SLC13A2: variants seen among roughly 807,000 people sequenced by gnomAD.
SLC13A2 encodes solute carrier family 13 member 2, also known as Na(+)-coupled citrate transporter.
SLC13A2 carries 40 observed loss-of-function variants against 58.5 expected under a neutral mutation model. The observed-to-expected ratio is 0.68, with a 90% CI of 0.53 to 0.89. The LOEUF (loss-of-function observed/expected upper bound fraction) is 0.89, where lower values mean the gene tolerates loss of function less well. SLC13A2 is among the 40% of genes least tolerant of loss of function. SLC13A2 has a pLI of 0.00. For missense variants in SLC13A2, 694 were observed against 772.6 expected, an observed-to-expected ratio of 0.90 and a Z score of 1.21; for synonymous variants, 341 against 331.6, an observed-to-expected ratio of 1.03 and a Z score of -0.31.
At chr17:28,491,134 G>A (rs879960744) in intron 4 of SLC13A2, among the ~76,000 whole-genome samples, 1 of 152,234 alleles carries the variant, frequency 6.6e-6, no homozygotes, top group Non-Finnish European at 1.5e-5. Flanking sequence ...ACCATAGCAA[G>A]AAGAGAGCTG....
intron 10 of SLC13A2, 91 bp downstream of exon 10, chr17:28,495,907 G>A: frequency 7.0e-7 from 1 of 1,430,860 alleles, no homozygotes; most frequent in Non-Finnish European, 9.5e-7. Context: ...TCCTGTCTTT[G>A]CACCTCCTCT....
chr17:28,483,710 T>G (rs1187302732), intron 1 of SLC13A2, among the ~76,000 whole-genome samples: 1 of 152,214 alleles, frequency 6.6e-6, no homozygotes, highest in Non-Finnish European at 1.5e-5. Context: ...GTAGCCCAGT[T>G]AGGTGGATGT....
chr17:28,490,653 C>G, intron 3 of SLC13A2, 48 bp from the exon 4 acceptor site: 2 of 1,592,336 alleles, frequency 1.3e-6, no homozygotes, highest in Non-Finnish European at 1.7e-6. Context: ...GGCACCCAGT[C>G]CCTGAAGGGA....
chr17:28,493,799 G>T lies in SLC13A2; in HGVS notation c.1097+10G>T. On this transcript the variant is annotated intron_variant, in intron 7 of 11. Coordinates refer to ENST00000314669, the MANE Select transcript of SLC13A2 (RefSeq NM_003984.4). ...ATGCCAAGGGGGAGAGGTGAGAGTT[G>T]CAGGGGTTGGGAGGAGGACACATCT... 1 of 1,613,966 alleles carries T rather than the reference G, an allele frequency of 6.2e-7. No homozygotes were observed. The highest frequency in any genetic ancestry group is 8.5e-7 in the Non-Finnish European group (1 of 1,179,936).
chr17:28,477,543 C>T (rs938001928), intron 1 of SLC13A2, among the ~76,000 whole-genome samples: 1 of 152,124 alleles, frequency 6.6e-6, no homozygotes, highest in South Asian at 2.1e-4. Flanking sequence ...CACAGTGGAT[C>T]CTGACCTGCA....
intron 1 of SLC13A2, among the ~76,000 whole-genome samples, chr17:28,481,068 G>C (rs2068775796): frequency 6.6e-6 from 1 of 152,198 alleles, no homozygotes; most frequent in Admixed American, 6.5e-5. Context: ...CACCTGCTAG[G>C]TGAAGGCCAG....
chr17:28,473,748 C>A lies in SLC13A2; in HGVS notation c.36C>A (p.Arg12=). Residue 12 remains arginine, a synonymous_variant, in exon 1 of 12, where the codon CGC becomes CGA. Coordinates refer to ENST00000314669, the MANE Select transcript of SLC13A2 (RefSeq NM_003984.4). ...ATCWQALWAY[R]SYLIVFFVPI... Reference sequence around the variant, plus strand: ...GCTGGCAGGCCCTGTGGGCCTATCGCTCCTACCTGATCGTGTTCTTCGTGC... The same window carrying A: ...GCTGGCAGGCCCTGTGGGCCTATCGATCCTACCTGATCGTGTTCTTCGTGC... 1.2e-6 allele frequency: 2 copies of A among 1,614,214 alleles called. No individual in the cohort carries two copies. The highest frequency in any genetic ancestry group is 1.7e-6 in the Non-Finnish European group (2 of 1,180,042).
intron 4 of SLC13A2, among the ~76,000 whole-genome samples, chr17:28,491,118 T>C (rs1555603314): frequency 6.6e-6 from 1 of 152,190 alleles, no homozygotes; most frequent in East Asian, 1.9e-4. Flanking sequence ...ACCAAGATGC[T>C]TGGTCACCAT....
intron 1 of SLC13A2, among the ~76,000 whole-genome samples, chr17:28,480,084 G>T: frequency 6.6e-6 from 1 of 151,862 alleles, no homozygotes; most frequent in East Asian, 1.9e-4. Flanking sequence ...AACCCAGGAG[G>T]CAGAGACTGC....
rs1338486714 is a variant in SLC13A2, at chr17:28,493,614, C to T, written c.922C>T (p.Gln308Ter). The T allele has an allele frequency of 6.2e-7, 1 of 1,611,698 alleles. No homozygotes were observed. The highest frequency in any genetic ancestry group is 8.5e-7 in the Non-Finnish European group (1 of 1,178,154). ...CATTGGGGAAAAGATGCAGGAGCAA[C>T]AGCAGGCAGCCTACTGCGTCATCCA... ...FGIGEKMQEQ[Q>*]QAAYCVIQTE... Residue 308 changes from glutamine to a stop codon, truncating the protein, a stop_gained, in exon 7 of 12, where the codon CAG becomes TAG. Coordinates refer to ENST00000314669, the MANE Select transcript of SLC13A2 (RefSeq NM_003984.4). LOFTEE classifies it high-confidence loss of function.
At chr17:28,493,854 GGTAT>G in intron 7 of SLC13A2, 65 bp downstream of exon 7, 1 of 1,567,216 alleles carries the variant, frequency 6.4e-7, no homozygotes, top group Non-Finnish European at 8.8e-7. Flanking sequence ...AGGAGGGAAG[GGTAT>G]AGGGCCCCCA....
At chr17:28,477,453 C>T (rs2068705396) in intron 1 of SLC13A2, among the ~76,000 whole-genome samples, 1 of 151,832 alleles carries the variant, frequency 6.6e-6, no homozygotes, top group Non-Finnish European at 1.5e-5. Flanking sequence ...CTTGGCCTCC[C>T]AAAGTGCTGG....
At chr17:28,492,698 T>C (rs371734345) in intron 6 of SLC13A2, among the ~76,000 whole-genome samples, 5 of 152,332 alleles carry the variant, frequency 3.3e-5, no homozygotes, top group East Asian at 3.9e-4. Context: ...TGGTAGTCAC[T>C]GTTTGGAGCT....
At chr17:28,493,280 G>T (rs1247480472) in intron 6 of SLC13A2, among the ~76,000 whole-genome samples, 1 of 152,160 alleles carries the variant, frequency 6.6e-6, no homozygotes, top group Non-Finnish European at 1.5e-5. Flanking sequence ...AAGTCCCAGG[G>T]TCTGAGCTGC....
chr17:28,486,001 A>AT (rs1307818783), intron 1 of SLC13A2, among the ~76,000 whole-genome samples: 5 of 152,112 alleles, frequency 3.3e-5, no homozygotes, highest in Non-Finnish European at 2.9e-5. Flanking sequence ...TTTAAAAAAA[A>AT]TTTTTTTTAA....
chr17:28,475,622 C>G (rs973517747), intron 1 of SLC13A2, among the ~76,000 whole-genome samples: 1 of 152,182 alleles, frequency 6.6e-6, no homozygotes, highest in Non-Finnish European at 1.5e-5. Context: ...TTGTCAGCTC[C>G]CATCTCCAAG....
In SLC13A2 at chr17:28,494,573, G is replaced by T; in HGVS notation, c.1308+61G>T. ...AGGGTGTCTCTGTGGCAGGGAGAGA[G>T]GGGGCCCTGCTTCTGTCCCACAGAG... On this transcript the variant is annotated intron_variant, in intron 9 of 11. Coordinates refer to ENST00000314669, the MANE Select transcript of SLC13A2 (RefSeq NM_003984.4). The surrounding 1 kb of genome is among the most constrained non-coding windows in gnomAD (Gnocchi z 4.0). 6.2e-7 allele frequency: 1 copy of T among 1,605,702 alleles called. No individual in the cohort carries two copies. The highest frequency in any genetic ancestry group is 1.7e-5 in the Admixed American group (1 of 59,484).
At position 28,489,264 on chromosome 17, in the gene SLC13A2, T is replaced by A; in HGVS notation, c.153T>A (p.Thr51=). The change falls in exon 2 of 12, where the codon ACT becomes ACA. Residue 51 remains threonine (T), a synonymous_variant. Coordinates refer to ENST00000314669, the MANE Select transcript of SLC13A2 (RefSeq NM_003984.4). The stretch of plus-strand genomic sequence containing the variant: ...TCCTCATGGCGCTCTTCTGGTGCAC[T>A]GAGGCCCTGCCCCTGGCCGTCACTG... ...AIILMALFWC[T]EALPLAVTAL... 1.2e-6 allele frequency: 2 copies of A among 1,614,068 alleles called. No homozygotes were observed. The highest frequency in any genetic ancestry group is 1.7e-6 in the Non-Finnish European group (2 of 1,180,014).
intron 1 of SLC13A2, among the ~76,000 whole-genome samples, chr17:28,480,803 ATGGGCTC>A (rs2068770615): frequency 6.6e-6 from 1 of 152,132 alleles, no homozygotes; most frequent in Non-Finnish European, 1.5e-5. Context: ...CTCTGTTCAA[ATGGGCTC>A]TTGTGCTTAG....
Sources: gnomAD v4.1 joint callset for allele counts (sites outside exome capture counted in the v4.1 genomes callset) on GRCh38, gnomAD v4.1.1 for gene constraint, Gnocchi (gnomAD v3.1) non-coding constraint, MANE v1.5 for transcripts, NCBI Gene and HGNC (gene_info 2026-07-23, HGNC 2026-07-21) for gene names.